The following ANO2 variants were observed in gnomAD, a reference collection of about 807,000 sequenced individuals.
ANO2 encodes the protein anoctamin 2, also known as anoctamin-2.
Under a neutral mutation model 124.2 loss-of-function variants are expected in ANO2, and 101 were observed. The observed-to-expected ratio is 0.81, with a 90% CI of 0.69 to 0.96. The LOEUF (loss-of-function observed/expected upper bound fraction) is 0.96. Ranked by LOEUF, ANO2 falls within the 40% of genes least tolerant of loss-of-function variation. The pLI is 0.00. For missense variants in ANO2, 1,293 were observed against 1,274.5 expected (o/e 1.01, Z -0.22); for synonymous variants, 486 against 482.5 (o/e 1.01, Z -0.09).
chr12:5,618,183 G>A (rs1439667469), intron 16 of ANO2, among the ~76,000 whole-genome samples: 1 of 152,216 alleles, frequency 6.6e-6, no homozygotes, highest in Non-Finnish European at 1.5e-5. Flanking sequence ...CTCCCTGCCT[G>A]AAGGTCACCT....
rs528742935 is a variant in ANO2, at chr12:5,591,297, G to A, written c.2233+8187C>T. Among the ~76,000 whole-genome samples, 23 of 152,152 alleles carry A rather than the reference G, an allele frequency of 1.5e-4. 1 individual carries two copies. In the South Asian group the frequency reaches 4.8e-3, roughly 32 times the overall value. On this transcript the variant is annotated intron_variant, in intron 20 of 24. Transcript: ENST00000682330. ...ACATACCCTGCTTCTTAGGGGAAAG[G>A]GTGTGGGAAGTGCGGATGATTTTAG...
chr12:5,625,656 T>G (rs1945361394), intron 16 of ANO2, among the ~76,000 whole-genome samples: 1 of 152,132 alleles, frequency 6.6e-6, no homozygotes, highest in Admixed American at 6.5e-5. Context: ...ATTAGAATAT[T>G]GTTTGAACCG....
chr12:5,845,053 C>T (rs1243894951), intron 4 of ANO2, among the ~76,000 whole-genome samples: 4 of 150,882 alleles, frequency 2.7e-5, no homozygotes, highest in African/African-American at 7.3e-5. Flanking sequence ...GGGTGGATAA[C>T]TTGAGCCCAG....
In ANO2 at chr12:5,908,544, GTGATGCTCAAGGAA is replaced by G. The variant is rs1455939336; in HGVS notation, c.534+12482_534+12495del. ...TGCAGTAGCCGAGACTCCCAACCCA[GTGATGCTCAAGGAA>G]TGGTAAACACATTCTGGGAGACATC... is the stretch of plus-strand genomic sequence containing the variant. On this transcript the variant is annotated intron_variant, in intron 3 of 24. Transcript: ENST00000682330. This position sits in a 1 kb window ranked among gnomAD's most constrained non-coding sequence, Gnocchi z 4.7. Among the ~76,000 whole-genome samples, 1 of 152,202 alleles carries G rather than the reference GTGATGCTCAAGGAA, an allele frequency of 6.6e-6. No individual in the cohort carries two copies. The highest frequency in any genetic ancestry group is 6.5e-5 in the Admixed American group (1 of 15,286).
At chr12:5,741,550 G>A (rs1400253038) in intron 12 of ANO2, among the ~76,000 whole-genome samples, 1 of 152,136 alleles carries the variant, frequency 6.6e-6, no homozygotes, top group African/African-American at 2.4e-5. Flanking sequence ...CCAGAGTGCT[G>A]ACCGACTGGT....
At chr12:5,828,893 G>A (rs1954068237) in intron 6 of ANO2, among the ~76,000 whole-genome samples, 1 of 152,214 alleles carries the variant, frequency 6.6e-6, no homozygotes, top group South Asian at 2.1e-4. Context: ...AGGCACAGAG[G>A]AGACATCCAC....
At chr12:5,835,991 A>G (rs1303697853) in intron 4 of ANO2, among the ~76,000 whole-genome samples, 5 of 152,188 alleles carry the variant, frequency 3.3e-5, no homozygotes, top group African/African-American at 1.2e-4. Flanking sequence ...TTTAAATGGC[A>G]TGTGTGCGGT....
At chr12:5,685,676 T>C (rs1439201107) in intron 14 of ANO2, among the ~76,000 whole-genome samples, 1 of 152,122 alleles carries the variant, frequency 6.6e-6, no homozygotes, top group African/African-American at 2.4e-5. Context: ...AGTCCAGCTA[T>C]GTGGGGAGCT....
At chr12:5,840,776 A>G (rs1453532340) in intron 4 of ANO2, among the ~76,000 whole-genome samples, 1 of 152,058 alleles carries the variant, frequency 6.6e-6, no homozygotes, top group East Asian at 1.9e-4. Flanking sequence ...ACAGAAATTA[A>G]CACCCATCGT....
chr12:5,793,719 C>G (rs1952762536), intron 10 of ANO2, among the ~76,000 whole-genome samples: 1 of 152,182 alleles, frequency 6.6e-6, no homozygotes, highest in Non-Finnish European at 1.5e-5. Flanking sequence ...AAAACAGGAG[C>G]CACCATCTCT....
In ANO2 at chr12:5,788,102, TC is replaced by T. The variant is rs143532061; in HGVS notation, c.1055+11404del. Among the ~76,000 whole-genome samples, 214 of 152,336 alleles carry T rather than the reference TC, an allele frequency of 1.4e-3. 4 individuals carry two copies. In the East Asian group the frequency reaches 0.034, roughly 24 times the overall value. The stretch of plus-strand genomic sequence containing the variant: ...AGAAGTACTTCATGTTTTCCTTCTT[TC>T]CTGTGCTCTGCTGAGTCTCTGTGAG... On this transcript the variant is annotated intron_variant, in intron 10 of 24. Transcript: ENST00000682330.
intron 4 of ANO2, among the ~76,000 whole-genome samples, chr12:5,840,222 T>C (rs1449148169): frequency 2.6e-5 from 4 of 152,188 alleles, no homozygotes; most frequent in African/African-American, 9.7e-5. Flanking sequence ...TCATAAATAA[T>C]TTTTAAAATA....
intron 14 of ANO2, among the ~76,000 whole-genome samples, chr12:5,717,835 C>T (rs1950078509): frequency 1.3e-5 from 2 of 152,178 alleles, no homozygotes; most frequent in South Asian, 4.1e-4. Context: ...CCAAATGGAG[C>T]CAACTCTAAA....
intron 14 of ANO2, among the ~76,000 whole-genome samples, chr12:5,675,895 C>T (rs1948220334): frequency 6.6e-6 from 1 of 152,202 alleles, no homozygotes; most frequent in Non-Finnish European, 1.5e-5. Flanking sequence ...AGTTGTACGG[C>T]CCTTCTGAGA....
At chr12:5,656,515 T>C (rs1396924124) in intron 14 of ANO2, among the ~76,000 whole-genome samples, 4 of 152,162 alleles carry the variant, frequency 2.6e-5, no homozygotes, top group African/African-American at 7.2e-5. Flanking sequence ...AACCTCCTGA[T>C]CTTCCTCTCC....
intron 4 of ANO2, chr12:5,839,681 A>G (rs1182812778): frequency 4.4e-6 from 2 of 454,426 alleles, no homozygotes; most frequent in African/African-American, 2.0e-5. Context: ...AAACCCTTCC[A>G]TGTATGGAAT....
chr12:5,743,420 C>T (rs1024274891), intron 12 of ANO2, among the ~76,000 whole-genome samples: 4 of 152,000 alleles, frequency 2.6e-5, no homozygotes, highest in African/African-American at 4.8e-5. Flanking sequence ...CTTAGAAATG[C>T]TCAGTTACCA....
chr12:5,816,419 T>C (rs1188644923), intron 7 of ANO2, among the ~76,000 whole-genome samples: 2 of 152,086 alleles, frequency 1.3e-5, no homozygotes, highest in Non-Finnish European at 2.9e-5. Flanking sequence ...ACTGGAAATC[T>C]GGCCTTTGGG....
At chr12:5,923,004 G>A (rs989648555) in intron 1 of ANO2, among the ~76,000 whole-genome samples, 200 bp from the exon 2 acceptor site, 3 of 150,912 alleles carry the variant, frequency 2.0e-5, no homozygotes, top group Admixed American at 6.6e-5. Context: ...GCGGCCCCCC[G>A]ACTGCATACA....
Sources: gnomAD v4.1 joint callset for allele counts (sites outside exome capture counted in the v4.1 genomes callset) on GRCh38, gnomAD v4.1.1 for gene constraint, Gnocchi (gnomAD v3.1) non-coding constraint, MANE v1.5 for transcripts, NCBI Gene and HGNC (gene_info 2026-07-23, HGNC 2026-07-21) for gene names.